BLTP1: variants seen among roughly 807,000 people sequenced by gnomAD.
BLTP1 encodes the protein bridge-like lipid transfer protein family member 1.
At chr4:122,204,146 C>T in the BLTP1 span, among the ~76,000 whole-genome samples, 1 of 151,812 alleles carries the variant, frequency 6.6e-6, no homozygotes, top group African/African-American at 2.4e-5. Context: ...AGTACATTGG[C>T]ATGTGTACTA....
the BLTP1 span, chr4:122,210,970 T>G: frequency 6.2e-7 from 1 of 1,613,782 alleles, no homozygotes; most frequent in Non-Finnish European, 8.5e-7. Flanking sequence ...TCCCTCTACT[T>G]CTTCACGCCC....
chr4:122,263,334 C>T, the BLTP1 span: 1 of 1,423,336 alleles, frequency 7.0e-7, no homozygotes. Flanking sequence ...TCAAAACCAT[C>T]TGCAAACATA....
chr4:122,171,754 G>T, the BLTP1 span: 1 of 943,852 alleles, frequency 1.1e-6, no homozygotes, highest in East Asian at 1.2e-4. Context: ...CTATCACCTA[G>T]AATTTTTCAG....
At chr4:122,187,444 A>G in the BLTP1 span, 1 of 1,611,962 alleles carries the variant, frequency 6.2e-7, no homozygotes, top group Non-Finnish European at 8.5e-7. Flanking sequence ...TAAAGTAAAA[A>G]CAGAATCCCA....
At chr4:122,331,710 C>T in the BLTP1 span, 3 of 978,760 alleles carry the variant, frequency 3.1e-6, no homozygotes, top group South Asian at 4.7e-5. Flanking sequence ...TTCTTATAAA[C>T]AAGTGCATAA....
At chr4:122,276,095 T>A in the BLTP1 span, 2 of 1,266,096 alleles carry the variant, frequency 1.6e-6, no homozygotes, top group Non-Finnish European at 2.1e-6. Context: ...TATTTAAATT[T>A]TTTTCATGGC....
At chr4:122,288,184 A>G in the BLTP1 span, among the ~76,000 whole-genome samples, 6 of 152,166 alleles carry the variant, frequency 3.9e-5, no homozygotes, top group African/African-American at 1.4e-4. Flanking sequence ...CAGAAATTTA[A>G]TACCTTGTAC....
the BLTP1 span, chr4:122,351,090 A>G: frequency 6.5e-6 from 1 of 153,790 alleles, no homozygotes; most frequent in Non-Finnish European, 1.4e-5. Context: ...TGTTATGTAC[A>G]TAGTTACATC....
the BLTP1 span, among the ~76,000 whole-genome samples, chr4:122,216,121 A>G: frequency 4.6e-5 from 7 of 150,908 alleles, no homozygotes; most frequent in Non-Finnish European, 1.0e-4. Flanking sequence ...CTATCTATCT[A>G]TCTATCTATC....
chr4:122,344,418 G>A, the BLTP1 span: 6 of 1,613,856 alleles, frequency 3.7e-6, no homozygotes, highest in South Asian at 2.2e-5. Context: ...GTCACTGGTC[G>A]AAAAGATTCA....
chr4:122,179,653 C>A, the BLTP1 span, among the ~76,000 whole-genome samples: 1 of 152,100 alleles, frequency 6.6e-6, no homozygotes, highest in African/African-American at 2.4e-5. Context: ...ACCCATAGAA[C>A]AGAAACACAG....
At chr4:122,196,558 A>G in the BLTP1 span, 1 of 1,163,764 alleles carries the variant, frequency 8.6e-7, no homozygotes, top group South Asian at 1.5e-5. Flanking sequence ...AAAAATTAGA[A>G]TATTGATTAT....
the BLTP1 span, among the ~76,000 whole-genome samples, chr4:122,284,669 T>G: frequency 1.3e-5 from 2 of 152,204 alleles, no homozygotes; most frequent in Non-Finnish European, 2.9e-5. Flanking sequence ...CCAAAAATAT[T>G]ACATACAATA....
the BLTP1 span, among the ~76,000 whole-genome samples, chr4:122,191,363 A>G: frequency 6.6e-6 from 1 of 152,148 alleles, no homozygotes; most frequent in African/African-American, 2.4e-5. Flanking sequence ...GAACTTTGGA[A>G]AATTGGAGTC....
the BLTP1 span, chr4:122,272,193 T>C: frequency 2.4e-5 from 39 of 1,613,066 alleles, no homozygotes; most frequent in Non-Finnish European, 1.7e-6. Context: ...ACATGTAAAG[T>C]TGTGTTTGAG....
the BLTP1 span, chr4:122,279,957 A>T: frequency 6.2e-7 from 1 of 1,614,090 alleles, no homozygotes. Context: ...CAAATCTCAG[A>T]CCTAATCAGA....
At chr4:122,309,454 G>T in the BLTP1 span, 1 of 1,612,396 alleles carries the variant, frequency 6.2e-7, no homozygotes, top group East Asian at 2.2e-5. Context: ...GGGATTTAGT[G>T]ATGAATGCCT....
the BLTP1 span, chr4:122,316,356 T>C: frequency 4.2e-6 from 2 of 472,024 alleles, no homozygotes; most frequent in Admixed American, 4.7e-5. Flanking sequence ...AGAGTTCAGA[T>C]GGAAGTTCAA....
chr4:122,207,431 AACTT>A, the BLTP1 span: 3 of 1,454,090 alleles, frequency 2.1e-6, no homozygotes, highest in Non-Finnish European at 2.7e-6. Flanking sequence ...ATTGGACTAA[AACTT>A]AATTTTGTTT....
Sources: allele counts gnomAD v4.1 joint callset (sites outside exome capture counted in the v4.1 genomes callset), GRCh38; gene constraint gnomAD v4.1.1; transcripts MANE v1.5; gene names NCBI Gene and HGNC (gene_info 2026-07-23, HGNC 2026-07-21).